The following ZSWIM6 variants were observed in gnomAD, a reference collection of about 807,000 sequenced individuals.
ZSWIM6 encodes the protein zinc finger SWIM domain-containing protein 6.
In ZSWIM6, 9 loss-of-function variants were observed where a neutral mutation model predicts 113.2. The observed-to-expected ratio is 0.08, with a 90% CI of 0.05 to 0.14. ZSWIM6 has a LOEUF of 0.14. Among genes scored for constraint, ZSWIM6 ranks in the 10% least tolerant of loss-of-function variants. The pLI is 1.00. For synonymous variants in ZSWIM6, 611 were observed against 606.5 expected, an observed-to-expected ratio of 1.01 and a Z score of -0.11; for missense variants, 1,162 against 1,552.2, an observed-to-expected ratio of 0.75 and a Z score of 4.22.
intron 1 of ZSWIM6, among the ~76,000 whole-genome samples, chr5:61,336,165 G>C (rs754056449): frequency 6.6e-6 from 1 of 152,132 alleles, no homozygotes; most frequent in Non-Finnish European, 1.5e-5. Context: ...TTGGGAGGCT[G>C]AGGTGGAAGG....
At chr5:61,380,393 A>G (rs556727806) in intron 1 of ZSWIM6, among the ~76,000 whole-genome samples, 95 of 152,242 alleles carry the variant, frequency 6.2e-4, no homozygotes, top group African/African-American at 2.2e-3. Context: ...AGTCATTAGT[A>G]AGTATTCTCT....
intron 1 of ZSWIM6, among the ~76,000 whole-genome samples, chr5:61,453,401 G>T: frequency 1.4e-5 from 2 of 145,598 alleles, no homozygotes; most frequent in Non-Finnish European, 1.5e-5. Flanking sequence ...TTTGTGCCAG[G>T]GTCTTACTCT....
At chr5:61,525,579 ATGTTTG>A (rs1393741600) in intron 5 of ZSWIM6, among the ~76,000 whole-genome samples, 1 of 152,124 alleles carries the variant, frequency 6.6e-6, no homozygotes, top group Non-Finnish European at 1.5e-5. Context: ...TGGCTGCAGA[ATGTTTG>A]TGTTTGATAA....
In ZSWIM6 at chr5:61,388,245, A is replaced by G. The variant is rs897666308; in HGVS notation, c.676+55297A>G. On this transcript the variant is annotated intron_variant, in intron 1 of 13. Transcript: ENST00000252744. ...TGATCCACCCACCTCAGCCTCACAAAGTGCTGGGATCACAGGCATGAGCCA... is the reference window on the plus strand; with the variant it reads ...TGATCCACCCACCTCAGCCTCACAAGGTGCTGGGATCACAGGCATGAGCCA... Among the ~76,000 whole-genome samples, 6 of 152,178 alleles carry G rather than the reference A, an allele frequency of 3.9e-5. No homozygotes were observed. The South Asian group carries it at 8.3e-4, about 21-fold the overall frequency.
intron 2 of ZSWIM6, among the ~76,000 whole-genome samples, chr5:61,475,027 T>C (rs1004932401): frequency 6.6e-6 from 1 of 152,212 alleles, no homozygotes; most frequent in African/African-American, 2.4e-5. Context: ...CAAGGACTTT[T>C]TCAAGTAGGC....
chr5:61,420,371 A>G (rs1427767355), intron 1 of ZSWIM6, among the ~76,000 whole-genome samples: 1 of 152,260 alleles, frequency 6.6e-6, no homozygotes, highest in Non-Finnish European at 1.5e-5. Context: ...TAGACATTTC[A>G]CTTGCTCCTA....
chr5:61,450,224 C>A (rs1437465162), intron 1 of ZSWIM6, among the ~76,000 whole-genome samples: 1 of 152,092 alleles, frequency 6.6e-6, no homozygotes, highest in African/African-American at 2.4e-5. Flanking sequence ...TTTTTCCCCT[C>A]CAACAATCTG....
intron 1 of ZSWIM6, among the ~76,000 whole-genome samples, chr5:61,460,763 A>G (rs1747306348): frequency 6.6e-6 from 1 of 152,110 alleles, no homozygotes; most frequent in Non-Finnish European, 1.5e-5. Flanking sequence ...TATAATGTTC[A>G]TAATATATAA....
chr5:61,393,974 A>G (rs958012906), intron 1 of ZSWIM6, among the ~76,000 whole-genome samples: 3 of 152,176 alleles, frequency 2.0e-5, no homozygotes, highest in African/African-American at 7.2e-5. Flanking sequence ...GTCAAAGTAT[A>G]TGGAATGTTC....
chr5:61,350,463 A>C (rs1302764482), intron 1 of ZSWIM6, among the ~76,000 whole-genome samples: 1 of 152,046 alleles, frequency 6.6e-6, no homozygotes, highest in Non-Finnish European at 1.5e-5. Flanking sequence ...CATATATAGG[A>C]GATACATTTC....
intron 5 of ZSWIM6, among the ~76,000 whole-genome samples, chr5:61,525,148 G>A (rs1328204216): frequency 6.6e-6 from 1 of 152,192 alleles, no homozygotes; most frequent in Non-Finnish European, 1.5e-5. Flanking sequence ...TAGGGGCAAG[G>A]TAAGTGCGCT....
chr5:61,439,088 G>A (rs1746771574), intron 1 of ZSWIM6, among the ~76,000 whole-genome samples: 1 of 152,144 alleles, frequency 6.6e-6, no homozygotes, highest in South Asian at 2.1e-4. Context: ...TTGTCCAAAT[G>A]GAGCAATTCA....
At chr5:61,392,939 C>CT (rs2112094208) in intron 1 of ZSWIM6, among the ~76,000 whole-genome samples, 1 of 152,120 alleles carries the variant, frequency 6.6e-6, no homozygotes, top group South Asian at 2.1e-4. Flanking sequence ...TAACTCAATA[C>CT]TTTGGCTGTT....
At chr5:61,405,022 A>G (rs549011025) in intron 1 of ZSWIM6, among the ~76,000 whole-genome samples, 2 of 152,338 alleles carry the variant, frequency 1.3e-5, no homozygotes, top group Non-Finnish European at 2.9e-5. Flanking sequence ...TGGGCTTACA[A>G]TATGACAAAT....
At chr5:61,497,314 G>A (rs1475425012) in intron 4 of ZSWIM6, among the ~76,000 whole-genome samples, 1 of 152,096 alleles carries the variant, frequency 6.6e-6, no homozygotes, top group African/African-American at 2.4e-5. Flanking sequence ...TGTGATCTAT[G>A]AAAATTTAAA....
At chr5:61,360,390 A>T (rs1745009836) in intron 1 of ZSWIM6, among the ~76,000 whole-genome samples, 1 of 150,280 alleles carries the variant, frequency 6.7e-6, no homozygotes, top group South Asian at 2.1e-4. Flanking sequence ...GAACCAACAG[A>T]AAAATAACTG....
At chr5:61,333,906 G>A (rs1744327104) in intron 1 of ZSWIM6, among the ~76,000 whole-genome samples, 1 of 152,068 alleles carries the variant, frequency 6.6e-6, no homozygotes, top group African/African-American at 2.4e-5. Context: ...AGCCAAAGGG[G>A]CGAGCGGGCT....
chr5:61,356,291 A>G (rs1298238141), intron 1 of ZSWIM6, among the ~76,000 whole-genome samples: 1 of 152,128 alleles, frequency 6.6e-6, no homozygotes, highest in Non-Finnish European at 1.5e-5. Flanking sequence ...GTTGCCCTTC[A>G]CATTATTTGA....
chr5:61,439,566 A>G (rs17422406), intron 1 of ZSWIM6, among the ~76,000 whole-genome samples: 25,659 of 152,152 alleles, frequency 0.17, 2,323 homozygotes, highest in Non-Finnish European at 0.2. Context: ...CTTTTATTCA[A>G]CATTCTGTGG....
Sources: allele counts gnomAD v4.1 joint callset (sites outside exome capture counted in the v4.1 genomes callset), GRCh38; gene constraint gnomAD v4.1.1; transcripts MANE v1.5; gene names NCBI Gene and HGNC (gene_info 2026-07-23, HGNC 2026-07-21).